Variants in FGF14 observed in about 807,000 individuals in gnomAD.
The protein encoded by FGF14 is fibroblast growth factor 14, also known as fibroblast growth factor homologous factor 4.
Under a neutral mutation model 25.5 loss-of-function variants are expected in FGF14, and 5 were observed. That is an observed-to-expected ratio of 0.20 (90% CI 0.10 to 0.41). The LOEUF is 0.41. Ranked by LOEUF, FGF14 falls within the 10% of genes least tolerant of loss-of-function variation. FGF14 has a pLI of 1.00. For synonymous variants in FGF14, 138 were observed against 118.3 expected (o/e 1.17, Z -1.08); for missense variants, 222 against 320.1 (o/e 0.69, Z 2.34).
At chr13:101,893,914 T>C (rs891667519) in intron 1 of FGF14, among the ~76,000 whole-genome samples, 1 of 152,086 alleles carries the variant, frequency 6.6e-6, no homozygotes. Context: ...TAGCATCTCA[T>C]GGGGAGGGTC....
At position 101,821,103 on chromosome 13, in the gene FGF14, C is replaced by T. The variant is rs533410703; in HGVS notation, c.408+47622G>A. Among the ~76,000 whole-genome samples the T allele has an allele frequency of 3.0e-4, 45 of 150,872 alleles. 1 individual carries two copies. The East Asian group carries it at 4.8e-3, about 16-fold the overall frequency. ...AGCTGGGAGTACAGGCGCCCGCTAC[C>T]ACGCCGGGCTAATTTTTTGTATTTT... On this transcript the variant is annotated intron_variant, in intron 3 of 4. Transcript: ENST00000376143.
chr13:101,824,108 T>C (rs2042291553), intron 3 of FGF14, among the ~76,000 whole-genome samples: 1 of 152,156 alleles, frequency 6.6e-6, no homozygotes, highest in Admixed American at 6.5e-5. Flanking sequence ...TAAAATTAAA[T>C]TGTGAGGGAT....
intron 1 of FGF14, among the ~76,000 whole-genome samples, chr13:102,153,353 TATAGAA>T (rs1594171906): frequency 6.6e-6 from 1 of 152,330 alleles, no homozygotes; most frequent in East Asian, 1.9e-4. Flanking sequence ...TAACAGCATG[TATAGAA>T]ATAGAAAGAA....
Position 102,107,662 on chromosome 13 carries a change from G to A in FGF14, c.209-232366C>T, listed in dbSNP as rs554586758. 3.3e-5 allele frequency among the ~76,000 whole-genome samples: 5 copies of A among 152,272 alleles called. No individual in the cohort carries two copies. In the South Asian group the frequency reaches 1.0e-3, roughly 32 times the overall value. On this transcript the variant is annotated intron_variant, in intron 1 of 4. Transcript: ENST00000376131. Reference sequence around the variant, plus strand: ...GGTCATGTGTGTTTGCATGTAGCTGGTGCAGAGGGAGCAGCAATGATGTCA... The same window carrying A: ...GGTCATGTGTGTTTGCATGTAGCTGATGCAGAGGGAGCAGCAATGATGTCA...
chr13:101,893,757 G>C (rs1190449338), intron 1 of FGF14, among the ~76,000 whole-genome samples: 1 of 152,134 alleles, frequency 6.6e-6, no homozygotes, highest in East Asian at 1.9e-4. Context: ...GAGCCCTACT[G>C]ACAAGTCAAT....
At chr13:101,849,225 G>A (rs2043620939) in intron 3 of FGF14, among the ~76,000 whole-genome samples, 1 of 152,004 alleles carries the variant, frequency 6.6e-6, no homozygotes, top group Non-Finnish European at 1.5e-5. Flanking sequence ...CCTGACATAT[G>A]TTCAGCATTT....
intron 1 of FGF14, among the ~76,000 whole-genome samples, chr13:102,041,972 G>A (rs767828015): frequency 2.6e-5 from 4 of 152,116 alleles, no homozygotes; most frequent in Non-Finnish European, 4.4e-5. Context: ...TGACCAGCCA[G>A]CCAAAGTTCA....
At chr13:102,111,078 C>A (rs983702861) in intron 1 of FGF14, among the ~76,000 whole-genome samples, 3 of 152,096 alleles carry the variant, frequency 2.0e-5, no homozygotes, top group African/African-American at 7.2e-5. Flanking sequence ...TCCTGCCCAC[C>A]CCTGCTTCAG....
intron 1 of FGF14, among the ~76,000 whole-genome samples, chr13:101,916,233 G>A (rs1419265237): frequency 6.6e-6 from 1 of 152,238 alleles, no homozygotes; most frequent in African/African-American, 2.4e-5. Context: ...CCGGCGAGGA[G>A]CAGCCAACTT....
chr13:101,802,700 G>T (rs1029621583), intron 3 of FGF14, among the ~76,000 whole-genome samples: 1 of 152,100 alleles, frequency 6.6e-6, no homozygotes, highest in Non-Finnish European at 1.5e-5. Context: ...AAATAAAAAG[G>T]CAATCTTGTG....
rs577500063 is a variant in FGF14, at chr13:102,025,102, T to C, written c.209-149806A>G. Among the ~76,000 whole-genome samples the C allele has an allele frequency of 4.6e-5, 7 of 151,900 alleles. No homozygotes were observed. The South Asian group carries it at 1.5e-3, about 31-fold the overall frequency. On this transcript the variant is annotated intron_variant, in intron 1 of 4. Transcript: ENST00000376131. ...GCATACTTCTTGATTTGGTTTGTAGTAATTTTTGAGATCTGGGAATGTGAA... is the reference window on the plus strand; with the variant it reads ...GCATACTTCTTGATTTGGTTTGTAGCAATTTTTGAGATCTGGGAATGTGAA...
chr13:102,165,573 C>A (rs2047965508), intron 1 of FGF14, among the ~76,000 whole-genome samples: 2 of 146,842 alleles, frequency 1.4e-5, no homozygotes, highest in Admixed American at 1.4e-4. Context: ...GGACAAAAAA[C>A]CAAACACCAC....
chr13:101,917,331 T>C (rs1476238461), upstream of FGF14, among the ~76,000 whole-genome samples: 1 of 152,174 alleles, frequency 6.6e-6, no homozygotes, highest in African/African-American at 2.4e-5. Flanking sequence ...CCTCCTGATG[T>C]ACCTCTTCAG....
Position 101,934,233 on chromosome 13 carries a change from A to G in FGF14, c.209-58937T>C, listed in dbSNP as rs529778494. ...AAACGAACCAAATGTCATCTGTAGA[A>G]TGCAAAACAAAGTGGTATATTCGTA... is the stretch of plus-strand genomic sequence containing the variant. On this transcript the variant is annotated intron_variant, in intron 1 of 4. Transcript: ENST00000376131. Among the ~76,000 whole-genome samples, 17 of 152,362 alleles carry G rather than the reference A, an allele frequency of 1.1e-4. 1 individual carries two copies. In the East Asian group the frequency reaches 3.3e-3, roughly 29 times the overall value.
intron 1 of FGF14, among the ~76,000 whole-genome samples, chr13:102,039,557 G>A (rs2041634028): frequency 6.6e-6 from 1 of 152,114 alleles, no homozygotes; most frequent in African/African-American, 2.4e-5. Flanking sequence ...CTGCGGTGCT[G>A]ACTCCTGTCT....
At chr13:102,347,752 A>G (rs1338350141) in intron 1 of FGF14, among the ~76,000 whole-genome samples, 1 of 152,168 alleles carries the variant, frequency 6.6e-6, no homozygotes, top group African/African-American at 2.4e-5. Context: ...AGGCCTCGGA[A>G]CACTAGGTGA....
At chr13:102,385,351 T>C (rs993528090) in intron 1 of FGF14, among the ~76,000 whole-genome samples, 18 of 152,206 alleles carry the variant, frequency 1.2e-4, no homozygotes, top group African/African-American at 4.3e-4. Flanking sequence ...AAGTTATCTA[T>C]GTGGCTTACT....
chr13:102,036,207 T>TA (rs2041465223), intron 1 of FGF14, among the ~76,000 whole-genome samples: 1 of 152,140 alleles, frequency 6.6e-6, no homozygotes, highest in Admixed American at 6.6e-5. Flanking sequence ...TGCCTTTGTT[T>TA]AAAGATATGT....
intron 1 of FGF14, among the ~76,000 whole-genome samples, chr13:101,896,560 T>C (rs1020300547): frequency 4.6e-5 from 7 of 152,184 alleles, no homozygotes; most frequent in Non-Finnish European, 8.8e-5. Flanking sequence ...AAAGAAAACA[T>C]TAATGCTTTT....
Sources: gnomAD v4.1 joint callset for allele counts (sites outside exome capture counted in the v4.1 genomes callset) on GRCh38, gnomAD v4.1.1 for gene constraint, MANE v1.5 for transcripts, NCBI Gene and HGNC (gene_info 2026-07-23, HGNC 2026-07-21) for gene names.